ZNF148: variants seen among roughly 807,000 people sequenced by gnomAD.
The protein encoded by ZNF148 is zinc finger protein 148, also known as Beta-Enolase Repressor Factor-1.
In ZNF148, 7 loss-of-function variants were observed where a neutral mutation model predicts 67.7. The ratio of observed to expected loss-of-function variants is 0.10; its 90% CI spans 0.06 to 0.19. The LOEUF (loss-of-function observed/expected upper bound fraction) is 0.19. Ranked by LOEUF, ZNF148 falls within the 10% of genes least tolerant of loss-of-function variation. ZNF148 has a pLI of 1.00. For missense variants in ZNF148, 583 were observed against 947.1 expected (o/e 0.62, Z 5.05); for synonymous variants, 333 against 330.7 (o/e 1.01, Z -0.08).
intron 1 of ZNF148, among the ~76,000 whole-genome samples, chr3:125,355,660 G>A (rs1221473732): frequency 2.6e-5 from 4 of 152,038 alleles, no homozygotes; most frequent in Non-Finnish European, 5.9e-5. Flanking sequence ...GCCGAGGCAG[G>A]AGGATAGCTT....
intron 7 of ZNF148, among the ~76,000 whole-genome samples, chr3:125,250,895 T>C (rs1287327657): frequency 6.6e-6 from 1 of 152,226 alleles, no homozygotes; most frequent in Non-Finnish European, 1.5e-5. Context: ...CTATAGTTTA[T>C]CTTAATTATC....
chr3:125,288,883 C>T (rs180927800), intron 4 of ZNF148, among the ~76,000 whole-genome samples: 2 of 152,246 alleles, frequency 1.3e-5, no homozygotes, highest in East Asian at 3.9e-4. Flanking sequence ...AGACATGATG[C>T]TAACTACATA....
Position 125,228,427 on chromosome 3 carries a change from C to G in ZNF148, c.*3914G>C, listed in dbSNP as rs1579566024. The G allele has an allele frequency of 6.6e-6, 1 of 152,578 alleles. No individual in the cohort carries two copies. The highest frequency in any genetic ancestry group is 1.5e-5 in the Non-Finnish European group (1 of 68,012). 9.5% of individuals were successfully genotyped at this position (152,578 alleles called of 1,614,324 possible). Reference sequence around the variant, plus strand: ...GAACAATGGAATTTGCTTATAAAAACTGATTAAAGATAATCATTATTAAAT... The same window carrying G: ...GAACAATGGAATTTGCTTATAAAAAGTGATTAAAGATAATCATTATTAAAT... On this transcript the variant is annotated 3_prime_UTR_variant, in exon 9 of 9. Coordinates refer to ENST00000360647, the MANE Select transcript of ZNF148 (RefSeq NM_021964.3).
intron 4 of ZNF148, among the ~76,000 whole-genome samples, chr3:125,299,135 T>C (rs919404090): frequency 2.0e-5 from 3 of 152,250 alleles, no homozygotes; most frequent in African/African-American, 7.2e-5. Flanking sequence ...AATGACTATG[T>C]AGTCCTTTTA....
At chr3:125,355,392 C>T (rs1384957413) in intron 1 of ZNF148, among the ~76,000 whole-genome samples, 2 of 151,930 alleles carry the variant, frequency 1.3e-5, no homozygotes, top group Admixed American at 6.6e-5. Context: ...GTTTATCTAC[C>T]CACTAGATGC....
At chr3:125,371,378 G>GAA (rs1942877404) in intron 1 of ZNF148, among the ~76,000 whole-genome samples, 1 of 128,232 alleles carries the variant, frequency 7.8e-6, no homozygotes, top group Non-Finnish European at 1.8e-5. Flanking sequence ...AAAAAGGGGG[G>GAA]GGGGGGGGCA....
At chr3:125,342,343 C>CA (rs199779219) in intron 1 of ZNF148, among the ~76,000 whole-genome samples, 19 of 14,652 alleles carry the variant, frequency 1.3e-3, no homozygotes, top group Non-Finnish European at 2.8e-3. Flanking sequence ...AAACTAAAGA[C>CA]AAAAAAAAAA....
chr3:125,303,868 T>C (rs904484866), intron 4 of ZNF148, among the ~76,000 whole-genome samples: 12 of 151,954 alleles, frequency 7.9e-5, no homozygotes, highest in African/African-American at 2.9e-4. Context: ...CTGCATAAAG[T>C]ACTCAACATG....
Position 125,232,437 on chromosome 3 carries a change from A to C in ZNF148, c.2289T>G (p.Ser763Arg). The C allele has an allele frequency of 6.2e-7, 1 of 1,613,540 alleles. No homozygotes were observed. Among genetic ancestry groups the C allele is most frequent in the Non-Finnish European group, 8.5e-7 (1 of 1,179,736 alleles). Residue 763 changes from serine to arginine, a missense_variant, in exon 9 of 9, where the codon AGT becomes AGG. Ser to Arg is a moderately radical substitution (Grantham distance 110, BLOSUM62 -1). Coordinates refer to ENST00000360647, the MANE Select transcript of ZNF148 (RefSeq NM_021964.3). The surrounding 1 kb of genome is among the most constrained non-coding windows in gnomAD (Gnocchi z 4.2). ...GQVNLRGPGT[S>R]AEFSEFPLVN... ...CCAAGGGAAATTCTGAAAATTCAGCACTTGTCCCTGGTCCCCGAAGGTTCA... is the reference window on the plus strand; with the variant it reads ...CCAAGGGAAATTCTGAAAATTCAGCCCTTGTCCCTGGTCCCCGAAGGTTCA...
chr3:125,357,083 C>A (rs1366035075), intron 1 of ZNF148: 6 of 152,240 alleles, frequency 3.9e-5, no homozygotes, highest in Admixed American at 3.9e-4. Context: ...GGCGGCCCCC[C>A]CGCTGTCTGG....
chr3:125,313,404 T>C lies in ZNF148; in HGVS notation c.237A>G (p.Glu79=). ...TCACTGTCTCCTCATGGACCATGAG[T>C]TCATCATGTGATATCATATCCTGTT... is the stretch of plus-strand genomic sequence containing the variant. The part of the protein sequence containing the change: ...MRQQDMISHD[E]LMVHEETVKN... Residue 79 remains glutamate (E), a synonymous_variant, in exon 4 of 9, where the codon GAA becomes GAG. Transcript: ENST00000360647. The C allele has an allele frequency of 6.2e-7, 1 of 1,614,108 alleles. No individual in the cohort carries two copies. Among genetic ancestry groups the C allele is most frequent in the South Asian group, 1.1e-5 (1 of 91,068 alleles).
intron 7 of ZNF148, among the ~76,000 whole-genome samples, chr3:125,249,980 A>T (rs1303099763): frequency 6.6e-6 from 1 of 152,136 alleles, no homozygotes; most frequent in Non-Finnish European, 1.5e-5. Flanking sequence ...AGGCAGAATT[A>T]AAAAAACAGA....
chr3:125,374,823 C>A (rs1285418683), intron 1 of ZNF148, among the ~76,000 whole-genome samples: 1 of 152,028 alleles, frequency 6.6e-6, no homozygotes, highest in African/African-American at 2.4e-5. Context: ...ACCTCTGACA[C>A]CCGCCTCCAG....
chr3:125,258,679 A>T (rs955595622), intron 7 of ZNF148, among the ~76,000 whole-genome samples: 1 of 152,176 alleles, frequency 6.6e-6, no homozygotes, highest in African/African-American at 2.4e-5. Flanking sequence ...TACCCATATG[A>T]TATAAGTTAA....
rs570455313 is a variant in ZNF148 at position 125,275,125 on chromosome 3, G to A, written c.667+2601C>T. Among the ~76,000 whole-genome samples, 5 of 152,224 alleles carry A rather than the reference G, an allele frequency of 3.3e-5. No homozygotes were observed. The South Asian group carries it at 1.0e-3, about 32-fold the overall frequency. On this transcript the variant is annotated intron_variant, in intron 7 of 8. Transcript: ENST00000360647. ...AAAAAGAATCTATAAAAAGAATCAA[G>A]AATACGAAGTAAAGAAGGGAAAACT...
chr3:125,251,172 T>C (rs1399482914), intron 7 of ZNF148, among the ~76,000 whole-genome samples: 1 of 152,144 alleles, frequency 6.6e-6, no homozygotes, highest in Non-Finnish European at 1.5e-5. Context: ...AATCAAGAAA[T>C]AGAACATTAT....
Position 125,330,465 on chromosome 3 carries a change from C to CAAAAA in ZNF148, c.-153+688_-153+692dup, listed in dbSNP as rs200643048. Among the ~76,000 whole-genome samples the CAAAAA allele has an allele frequency of 4.1e-3, 490 of 118,342 alleles. 7 individuals are homozygous for CAAAAA. Among genetic ancestry groups the CAAAAA allele is most frequent in the African/African-American group, 0.017 (408 of 24,172 alleles). 77.6% of individuals were successfully genotyped at this position (118,342 alleles called of 152,430 possible). ...TGGGCAACAGGGCAAAACCCTATCT[C>CAAAAA]AAAAAAAAAAAAAAAAAAAAAAAAA... is the stretch of plus-strand genomic sequence containing the variant. On this transcript the variant is annotated intron_variant, in intron 2 of 8. Transcript: ENST00000360647.
chr3:125,232,212 T>C lies in ZNF148; in HGVS notation c.*129A>G. ...ATGCAGTTATTGGATTATCTTGCTA[T>C]TCATATCAGCTTAACTTGTTATTAC... On this transcript the variant is annotated 3_prime_UTR_variant, in exon 9 of 9. Transcript: ENST00000360647. This position sits in a 1 kb window ranked among gnomAD's most constrained non-coding sequence, Gnocchi z 4.2. 1 of 1,118,222 alleles carries C rather than the reference T, an allele frequency of 8.9e-7. No homozygotes were observed. Among genetic ancestry groups the C allele is most frequent in the African/African-American group, 1.6e-5 (1 of 63,558 alleles). The allele number at this position is 1,118,222 out of a possible 1,614,324, so 69.3% of individuals were successfully genotyped here.
intron 1 of ZNF148, among the ~76,000 whole-genome samples, chr3:125,369,415 T>C: frequency 7.9e-6 from 1 of 126,170 alleles, no homozygotes; most frequent in Admixed American, 8.4e-5. Flanking sequence ...AAAGTGTGCC[T>C]CTTGAAGGGA....
Sources: allele counts gnomAD v4.1 joint callset (sites outside exome capture counted in the v4.1 genomes callset), GRCh38; gene constraint gnomAD v4.1.1; non-coding constraint Gnocchi (gnomAD v3.1); transcripts MANE v1.5; gene names NCBI Gene and HGNC (gene_info 2026-07-23, HGNC 2026-07-21).